The following MYMX variants were observed in gnomAD, a reference collection of about 807,000 sequenced individuals.
MYMX encodes the protein protein myomixer.
At position 44,217,677 on chromosome 6, in the gene MYMX, C is replaced by G. The variant is rs1260061696; in HGVS notation, c.206C>G (p.Ser69Ter). ...CACTCGCCAGACGCTGGGGAGGCCT[C>G]AAGAGTGGACCGCCTGGAGAGGAGG... ...QRHSPDAGEA[S>*]RVDRLERRER... Residue 69 changes from serine (S) to a stop codon, truncating the protein, a stop_gained, in exon 2 of 2, where the codon TCA becomes TGA. Transcript: ENST00000573382. LOFTEE classifies it high-confidence loss of function. The G allele has an allele frequency of 7.7e-5, 31 of 400,886 alleles. No homozygotes were observed. The highest frequency in any genetic ancestry group is 1.3e-4 in the Non-Finnish European group (30 of 226,392). The allele number at this position is 400,886 out of a possible 1,614,324, so 24.8% of individuals were successfully genotyped here.
chr6:44,199,779 G>A, the MYMX span, among the ~76,000 whole-genome samples: 1 of 151,762 alleles, frequency 6.6e-6, no homozygotes, highest in Non-Finnish European at 1.5e-5. Flanking sequence ...AATCTCCCGG[G>A]CTCAAGCCAT....
chr6:44,198,435 G>A, the MYMX span, among the ~76,000 whole-genome samples: 3 of 152,018 alleles, frequency 2.0e-5, no homozygotes, highest in Non-Finnish European at 4.4e-5. Context: ...AAAGTGCTGG[G>A]ATTACAGGCG....
At chr6:44,211,582 T>C in the MYMX span, among the ~76,000 whole-genome samples, 1 of 152,118 alleles carries the variant, frequency 6.6e-6, no homozygotes, top group Non-Finnish European at 1.5e-5. Flanking sequence ...GTATTATATA[T>C]TTTGAGATAA....
chr6:44,210,736 T>C, the MYMX span, among the ~76,000 whole-genome samples: 1 of 152,246 alleles, frequency 6.6e-6, no homozygotes, highest in African/African-American at 2.4e-5. Context: ...TACTGAAATA[T>C]TAATTGCTGA....
the MYMX span, among the ~76,000 whole-genome samples, chr6:44,203,251 C>G: frequency 1.3e-5 from 2 of 152,186 alleles, no homozygotes; most frequent in South Asian, 2.1e-4. Flanking sequence ...TGGAACCCAG[C>G]TGCACAGACT....
At chr6:44,206,006 A>AAAAAAC in the MYMX span, among the ~76,000 whole-genome samples, 1 of 147,918 alleles carries the variant, frequency 6.8e-6, no homozygotes, top group Non-Finnish European at 1.5e-5. Flanking sequence ...AACAAAAAAA[A>AAAAAAC]ACCTCATTTT....
chr6:44,202,944 G>T, the MYMX span, among the ~76,000 whole-genome samples: 1 of 152,186 alleles, frequency 6.6e-6, no homozygotes, highest in African/African-American at 2.4e-5. Context: ...CAGCGGTGGG[G>T]TAGGAGTATC....
chr6:44,205,992 A>C, the MYMX span, among the ~76,000 whole-genome samples: 12 of 115,966 alleles, frequency 1.0e-4, no homozygotes, highest in African/African-American at 3.4e-4. Flanking sequence ...AAAAAAAAAA[A>C]CAAAACAAAA....
At chr6:44,213,308 C>A (rs566684610), upstream of MYMX, among the ~76,000 whole-genome samples, 1 of 151,624 alleles carries the variant, frequency 6.6e-6, no homozygotes, top group Non-Finnish European at 1.5e-5. Flanking sequence ...ATCGCTTGAA[C>A]GCGGGAAGCA....
At chr6:44,201,993 C>T in the MYMX span, among the ~76,000 whole-genome samples, 2 of 143,898 alleles carry the variant, frequency 1.4e-5, no homozygotes, top group South Asian at 2.2e-4. Context: ...GGGACCCAGA[C>T]ACATGTTTTT....
chr6:44,200,291 G>C, the MYMX span, among the ~76,000 whole-genome samples: 1 of 151,708 alleles, frequency 6.6e-6, no homozygotes, highest in Non-Finnish European at 1.5e-5. Flanking sequence ...TCTCCACTGG[G>C]GTCTTGCCTA....
chr6:44,197,669 A>G, the MYMX span, among the ~76,000 whole-genome samples: 1 of 152,324 alleles, frequency 6.6e-6, no homozygotes, highest in South Asian at 2.1e-4. Flanking sequence ...AGCTTTTCAC[A>G]TTTATGGATT....
chr6:44,197,184 C>A, the MYMX span, among the ~76,000 whole-genome samples: 1 of 152,014 alleles, frequency 6.6e-6, no homozygotes, highest in South Asian at 2.1e-4. Context: ...TGCAGTGAGC[C>A]GAGATCGAGT....
upstream of MYMX, among the ~76,000 whole-genome samples, chr6:44,214,772 C>T (rs541967289): frequency 3.3e-5 from 5 of 152,206 alleles, no homozygotes; most frequent in African/African-American, 1.2e-4. Flanking sequence ...GGGGTTTCAC[C>T]GTGTTGGCCA....
chr6:44,208,128 G>A, the MYMX span, among the ~76,000 whole-genome samples: 4 of 151,768 alleles, frequency 2.6e-5, no homozygotes, highest in Non-Finnish European at 4.4e-5. Flanking sequence ...CTTTGGAGGC[G>A]GAAGCAGGAG....
the MYMX span, among the ~76,000 whole-genome samples, chr6:44,205,998 C>CA: frequency 1.1e-5 from 1 of 91,186 alleles, no homozygotes; most frequent in Non-Finnish European, 2.1e-5. Flanking sequence ...AAAAACAAAA[C>CA]AAAAAAAAAC....
chr6:44,215,868 C>G (rs1425297432), upstream of MYMX, among the ~76,000 whole-genome samples: 2 of 152,102 alleles, frequency 1.3e-5, no homozygotes, highest in African/African-American at 2.4e-5. Context: ...GCACTCCAGC[C>G]TGGGTGACAG....
chr6:44,217,544 G>A lies in MYMX; in HGVS notation c.73G>A (p.Ala25Thr). ...SCLLLPAARLARQYLLPLLRR... is the reference protein window; with the variant it reads ...SCLLLPAARLTRQYLLPLLRR... ...CCTGCTGCTGCCTGCTGCCCGCCTG[G>A]CCCGCCAATACCTCCTGCCCCTGCT... is the stretch of plus-strand genomic sequence containing the variant. Residue 25 changes from alanine to threonine, a missense_variant, in exon 2 of 2, where the codon GCC becomes ACC. Physicochemically the swap from Ala to Thr is moderately conservative, Grantham distance 58. Coordinates refer to ENST00000573382, the MANE Select transcript of MYMX (RefSeq NM_001315494.2). 1 of 405,194 alleles carries A rather than the reference G, an allele frequency of 2.5e-6. No homozygotes were observed. The allele number at this position is 405,194 out of a possible 1,614,324, so 25.1% of individuals were successfully genotyped here.
At chr6:44,210,563 C>T in the MYMX span, among the ~76,000 whole-genome samples, 1 of 152,174 alleles carries the variant, frequency 6.6e-6, no homozygotes, top group Non-Finnish European at 1.5e-5. Flanking sequence ...GCTGGAATTA[C>T]AGGTGAGCCA....
Sources: allele counts gnomAD v4.1 joint callset (sites outside exome capture counted in the v4.1 genomes callset), GRCh38; gene constraint gnomAD v4.1.1; transcripts MANE v1.5; gene names NCBI Gene and HGNC (gene_info 2026-07-23, HGNC 2026-07-21).